ANKRD30B: variants seen among roughly 807,000 people sequenced by gnomAD.
ANKRD30B encodes ankyrin repeat domain-containing protein 30B.
ANKRD30B carries 144 observed loss-of-function variants against 202.2 expected under a neutral mutation model. The observed-to-expected ratio is 0.71, with a 90% CI of 0.62 to 0.82. The LOEUF is 0.82. ANKRD30B is among the 40% of genes least tolerant of loss of function. The pLI is 0.00. For synonymous variants in ANKRD30B, 508 were observed against 561.3 expected, an observed-to-expected ratio of 0.91 and a Z score of 1.34; for missense variants, 1,487 against 1,669.1, an observed-to-expected ratio of 0.89 and a Z score of 1.90.
the ANKRD30B span, among the ~76,000 whole-genome samples, chr18:14,919,643 C>G: frequency 6.6e-6 from 1 of 152,166 alleles, no homozygotes; most frequent in Non-Finnish European, 1.5e-5. Flanking sequence ...CTGCCATGTC[C>G]GTTGTAAAAT....
At chr18:14,891,810 C>T in the ANKRD30B span, among the ~76,000 whole-genome samples, 54 of 152,312 alleles carry the variant, frequency 3.5e-4, no homozygotes, top group African/African-American at 1.3e-3. Flanking sequence ...TATTTGGTAA[C>T]TACAGCTTCA....
At chr18:14,790,125 C>A (rs1224909574) in intron 15 of ANKRD30B, among the ~76,000 whole-genome samples, 2 of 152,064 alleles carry the variant, frequency 1.3e-5, no homozygotes, top group Non-Finnish European at 2.9e-5. Flanking sequence ...AAGTTGGATT[C>A]CTAGATATTT....
intron 1 of ANKRD30B, among the ~76,000 whole-genome samples, chr18:14,749,972 T>A: frequency 6.6e-6 from 1 of 152,078 alleles, no homozygotes; most frequent in Non-Finnish European, 1.5e-5. Context: ...AGATTAAAAA[T>A]TTTTAATATA....
At chr18:14,795,723 G>T (rs1044663041) in intron 16 of ANKRD30B, among the ~76,000 whole-genome samples, 15 of 151,966 alleles carry the variant, frequency 9.9e-5, no homozygotes, top group Non-Finnish European at 1.5e-4. Flanking sequence ...AATTCTCATC[G>T]CAGCTTTGCA....
At chr18:14,904,695 A>G in the ANKRD30B span, among the ~76,000 whole-genome samples, 3 of 152,324 alleles carry the variant, frequency 2.0e-5, no homozygotes, top group South Asian at 2.1e-4. Context: ...TTCTTAACCA[A>G]TATGAGTGAC....
the ANKRD30B span, among the ~76,000 whole-genome samples, chr18:14,935,122 A>G: frequency 6.6e-6 from 1 of 152,172 alleles, no homozygotes; most frequent in Non-Finnish European, 1.5e-5. Flanking sequence ...GCATTATAGC[A>G]TGCTAGTCTC....
the ANKRD30B span, among the ~76,000 whole-genome samples, chr18:14,873,023 A>G: frequency 1.3e-5 from 2 of 152,062 alleles, no homozygotes. Context: ...CCACCAGAAT[A>G]TATAATTGAA....
At chr18:14,758,255 G>A (rs1474610852) in intron 5 of ANKRD30B, among the ~76,000 whole-genome samples, 2 of 152,120 alleles carry the variant, frequency 1.3e-5, no homozygotes, top group African/African-American at 4.8e-5. Context: ...CAGAAAACCT[G>A]ATAATGTCCC....
chr18:14,817,943 T>G (rs1970203427), intron 30 of ANKRD30B, among the ~76,000 whole-genome samples: 1 of 152,172 alleles, frequency 6.6e-6, no homozygotes, highest in Non-Finnish European at 1.5e-5. Context: ...ATTTTTTGTG[T>G]TTTAGAGAGT....
chr18:14,756,488 G>A (rs1461199586), intron 4 of ANKRD30B, among the ~76,000 whole-genome samples: 1 of 152,174 alleles, frequency 6.6e-6, no homozygotes, highest in Non-Finnish European at 1.5e-5. Flanking sequence ...CCATGCCTAT[G>A]TCCTGAATGG....
the ANKRD30B span, among the ~76,000 whole-genome samples, chr18:14,888,534 C>T: frequency 6.6e-6 from 1 of 151,896 alleles, no homozygotes; most frequent in Non-Finnish European, 1.5e-5. Context: ...TTCTTTAATG[C>T]AGTGTCTTAA....
chr18:14,881,223 G>T, the ANKRD30B span, among the ~76,000 whole-genome samples: 1 of 152,180 alleles, frequency 6.6e-6, no homozygotes, highest in Non-Finnish European at 1.5e-5. Context: ...CTGTGGGTTT[G>T]TCCTAGATGG....
chr18:14,922,103 C>T, the ANKRD30B span, among the ~76,000 whole-genome samples: 1 of 152,182 alleles, frequency 6.6e-6, no homozygotes, highest in Non-Finnish European at 1.5e-5. Flanking sequence ...AACACCATCC[C>T]TTCCTCATCT....
At chr18:14,837,187 C>A in intron 34 of ANKRD30B, 24 bp from the exon 35 acceptor site, 3 of 1,464,792 alleles carry the variant, frequency 2.0e-6, no homozygotes, top group Non-Finnish European at 2.7e-6. Context: ...TTTGTGTTTG[C>A]TTTCTGTGTT....
intron 6 of ANKRD30B, 128 bp downstream of exon 6, chr18:14,760,746 G>T: frequency 3.5e-6 from 2 of 574,416 alleles, no homozygotes; most frequent in African/African-American, 2.0e-5. Context: ...ATATATGTGG[G>T]TGTGTGTGTG....
At chr18:14,933,716 A>G in the ANKRD30B span, among the ~76,000 whole-genome samples, 4 of 144,532 alleles carry the variant, frequency 2.8e-5, no homozygotes, top group African/African-American at 1.1e-4. Context: ...ACTGGCATTA[A>G]TCAGTGGCCA....
At position 14,852,003 on chromosome 18, in the gene ANKRD30B, T is replaced by C; in HGVS notation, c.4059T>C (p.Tyr1353=). ...ATGAGGTGCTCCATCAACCACTTTA[T>C]GAAGCTCAAAGGAAATCCAAAAGCC... is the stretch of plus-strand genomic sequence containing the variant. ...YNNEVLHQPL[Y]EAQRKSKSPK... The change falls in exon 42 of 44, where the codon TAT becomes TAC. Residue 1353 remains tyrosine, a synonymous_variant. Transcript: ENST00000690538. The C allele has an allele frequency of 6.3e-7, 1 of 1,596,746 alleles. No individual in the cohort carries two copies. The highest frequency in any genetic ancestry group is 8.5e-7 in the Non-Finnish European group (1 of 1,170,658).
the ANKRD30B span, among the ~76,000 whole-genome samples, chr18:14,911,826 AG>A: frequency 9.2e-5 from 14 of 152,244 alleles, no homozygotes; most frequent in African/African-American, 3.4e-4. Flanking sequence ...TTCTCCTAAT[AG>A]GGATATTTCA....
intron 14 of ANKRD30B, among the ~76,000 whole-genome samples, chr18:14,786,655 A>C (rs1165705854): frequency 1.3e-5 from 2 of 152,212 alleles, no homozygotes; most frequent in Non-Finnish European, 2.9e-5. Context: ...TGAGTCAATC[A>C]AACTAAGTAA....
Sources: gnomAD v4.1 joint callset for allele counts (sites outside exome capture counted in the v4.1 genomes callset) on GRCh38, gnomAD v4.1.1 for gene constraint, MANE v1.5 for transcripts, NCBI Gene and HGNC (gene_info 2026-07-23, HGNC 2026-07-21) for gene names.